The following HDAC4 variants were observed in gnomAD, a reference collection of about 807,000 sequenced individuals.
The protein encoded by HDAC4 is histone deacetylase A.
A neutral mutation model predicts 135.1 loss-of-function variants in HDAC4; 16 were observed. The ratio of observed to expected loss-of-function variants is 0.12; its 90% CI spans 0.08 to 0.18. HDAC4 has a LOEUF of 0.18. Ranked by LOEUF, HDAC4 falls within the 10% of genes least tolerant of loss-of-function variation. HDAC4 has a pLI of 1.00. For synonymous variants in HDAC4, 685 were observed against 653.4 expected (o/e 1.05, Z -0.74); for missense variants, 1,143 against 1,511.8 (o/e 0.76, Z 4.05).
chr2:239,345,914 C>G (rs1353417930), intron 2 of HDAC4, among the ~76,000 whole-genome samples: 1 of 151,068 alleles, frequency 6.6e-6, no homozygotes, highest in East Asian at 2.0e-4. Context: ...CCCCATCTCA[C>G]ACACGTGCAC....
At chr2:239,227,689 C>T (rs2047319344) in intron 3 of HDAC4, among the ~76,000 whole-genome samples, 2 of 152,174 alleles carry the variant, frequency 1.3e-5, no homozygotes, top group Non-Finnish European at 2.9e-5. Flanking sequence ...GAGGGCATGC[C>T]TCGGGTGCGG....
At chr2:239,387,124 G>A (rs1419300976) in intron 1 of HDAC4, among the ~76,000 whole-genome samples, 1 of 152,242 alleles carries the variant, frequency 6.6e-6, no homozygotes, top group Non-Finnish European at 1.5e-5. Flanking sequence ...ACGTGCACAC[G>A]CACGTACATG....
At chr2:239,082,926 G>C (rs1277283839) in intron 20 of HDAC4, among the ~76,000 whole-genome samples, 1 of 152,252 alleles carries the variant, frequency 6.6e-6, no homozygotes, top group East Asian at 1.9e-4. Context: ...GCTGAGAACA[G>C]CTGTGTGCCT....
At position 239,284,714 on chromosome 2, in the gene HDAC4, G is replaced by A. The variant is rs150622177; in HGVS notation, c.23-48050C>T. 7.6e-3 allele frequency among the ~76,000 whole-genome samples: 1,153 copies of A among 152,252 alleles called. 9 individuals are homozygous for A. Among genetic ancestry groups the A allele is most frequent in the Non-Finnish European group, 0.013 (868 of 68,006 alleles). On this transcript the variant is annotated intron_variant, in intron 2 of 26. Transcript: ENST00000543185. ...ATCTGCAGGGGGAAAGGCACCAGACGGTGAGCGCCCACGCCCCAGAGCCAG... is the reference window on the plus strand; with the variant it reads ...ATCTGCAGGGGGAAAGGCACCAGACAGTGAGCGCCCACGCCCCAGAGCCAG...
At position 239,167,635 on chromosome 2, in the gene HDAC4, G is replaced by A. The variant is rs150353333; in HGVS notation, c.491-3712C>T. 0.01 allele frequency among the ~76,000 whole-genome samples: 1,593 copies of A among 152,078 alleles called. 23 individuals are homozygous for A. Among genetic ancestry groups the A allele is most frequent in the African/African-American group, 0.037 (1,538 of 41,436 alleles). On this transcript the variant is annotated intron_variant, in intron 5 of 26. Coordinates refer to ENST00000543185, the MANE Select transcript of HDAC4 (RefSeq NM_001378414.1). The surrounding 1 kb of genome is among the most constrained non-coding windows in gnomAD (Gnocchi z 4.1). Reference sequence around the variant, plus strand: ...TTTCTGCACTTCTGGTTATGCACACGCTCATCTGTCAACAGGTTTCTCACT... The same window carrying A: ...TTTCTGCACTTCTGGTTATGCACACACTCATCTGTCAACAGGTTTCTCACT...
chr2:239,156,787 A>C lies in HDAC4; in HGVS notation c.612-14T>G, dbSNP rs775320612. 6.2e-7 allele frequency: 1 copy of C among 1,614,082 alleles called. No homozygotes were observed. Among genetic ancestry groups the C allele is most frequent in the South Asian group, 1.1e-5 (1 of 91,080 alleles). On this transcript the variant is annotated splice_polypyrimidine_tract_variant and intron_variant, in intron 6 of 26. Coordinates refer to ENST00000543185, the MANE Select transcript of HDAC4 (RefSeq NM_001378414.1). Reference sequence around the variant, plus strand: ...TGCTGCGTTTTCCTGGAGAGAAGGCAAAGACAGATGGTTTAGTTTACCCAG... The same window carrying C: ...TGCTGCGTTTTCCTGGAGAGAAGGCCAAGACAGATGGTTTAGTTTACCCAG...
chr2:239,317,270 G>A (rs1376408992), intron 2 of HDAC4, among the ~76,000 whole-genome samples: 1 of 152,098 alleles, frequency 6.6e-6, no homozygotes, highest in Non-Finnish European at 1.5e-5. Flanking sequence ...GGTGGCCTTT[G>A]TGAGGCTGGG....
intron 1 of HDAC4, among the ~76,000 whole-genome samples, chr2:239,365,153 G>A (rs1045688817): frequency 6.6e-6 from 1 of 152,228 alleles, no homozygotes; most frequent in African/African-American, 2.4e-5. Context: ...TATACAGTGA[G>A]TTTAATAAGC....
chr2:239,124,267 C>T (rs773383060), intron 12 of HDAC4, among the ~76,000 whole-genome samples: 1 of 152,210 alleles, frequency 6.6e-6, no homozygotes, highest in Non-Finnish European at 1.5e-5. Flanking sequence ...TTTCACCATC[C>T]CTAAGAAGAG....
intron 22 of HDAC4, among the ~76,000 whole-genome samples, chr2:239,072,993 G>T (rs1209874357): frequency 6.6e-6 from 1 of 152,174 alleles, no homozygotes; most frequent in Non-Finnish European, 1.5e-5. Flanking sequence ...GGGAGCACGC[G>T]GTGCCTGATC....
chr2:239,061,178 T>C (rs1047531214), intron 24 of HDAC4, among the ~76,000 whole-genome samples: 1 of 152,116 alleles, frequency 6.6e-6, no homozygotes. Flanking sequence ...TGTATGAATG[T>C]GCGTGACAGC....
At chr2:239,319,112 A>G (rs1250023588) in intron 2 of HDAC4, among the ~76,000 whole-genome samples, 3 of 152,232 alleles carry the variant, frequency 2.0e-5, no homozygotes, top group Non-Finnish European at 2.9e-5. Flanking sequence ...CTTCTGCAGG[A>G]ATTTCTAAAG....
At chr2:239,373,908 A>G (rs1044907848) in intron 1 of HDAC4, among the ~76,000 whole-genome samples, 4 of 152,148 alleles carry the variant, frequency 2.6e-5, no homozygotes, top group Non-Finnish European at 5.9e-5. Context: ...CTCTTGCTTT[A>G]CTTTTTACAG....
At chr2:239,207,899 A>C (rs1207140060) in intron 3 of HDAC4, among the ~76,000 whole-genome samples, 1 of 152,238 alleles carries the variant, frequency 6.6e-6, no homozygotes, top group Non-Finnish European at 1.5e-5. Flanking sequence ...AAAGTATAAA[A>C]AAGACAGAAA....
At chr2:239,200,659 C>A (rs1308704536) in intron 3 of HDAC4, among the ~76,000 whole-genome samples, 2 of 152,142 alleles carry the variant, frequency 1.3e-5, no homozygotes, top group African/African-American at 4.8e-5. Flanking sequence ...GTATTGCTTT[C>A]CATTGAAATC....
At chr2:239,289,099 A>T (rs572070463) in intron 2 of HDAC4, among the ~76,000 whole-genome samples, 1 of 152,362 alleles carries the variant, frequency 6.6e-6, no homozygotes, top group Admixed American at 6.5e-5. Context: ...TTGAACTTGG[A>T]GGATGAGCTG....
At chr2:239,080,580 TGCGTCTTTAAACGGC>T (rs1276908144) in intron 22 of HDAC4, among the ~76,000 whole-genome samples, 6 of 50,348 alleles carry the variant, frequency 1.2e-4, no homozygotes, top group African/African-American at 4.5e-4. Flanking sequence ...AAGCAAACAC[TGCGTCTTTAAACGGC>T]GCGCCCTGCG....
intron 3 of HDAC4, among the ~76,000 whole-genome samples, chr2:239,192,505 C>T (rs2045055405): frequency 2.0e-5 from 3 of 152,204 alleles, no homozygotes; most frequent in Non-Finnish European, 4.4e-5. Flanking sequence ...GCTAAGTCAG[C>T]AAACTCGCAA....
chr2:239,390,642 C>T (rs1409169952), intron 1 of HDAC4, among the ~76,000 whole-genome samples: 1 of 152,188 alleles, frequency 6.6e-6, no homozygotes, highest in Non-Finnish European at 1.5e-5. Context: ...GCTGTGCCCA[C>T]AGGGGCACCA....
Sources: allele counts gnomAD v4.1 joint callset (sites outside exome capture counted in the v4.1 genomes callset), GRCh38; gene constraint gnomAD v4.1.1; non-coding constraint Gnocchi (gnomAD v3.1); transcripts MANE v1.5; gene names NCBI Gene and HGNC (gene_info 2026-07-23, HGNC 2026-07-21).